HIP1: variants seen among roughly 807,000 people sequenced by gnomAD.
The protein encoded by HIP1 is huntingtin interacting protein 1.
HIP1 carries 65 observed loss-of-function variants against 147.6 expected under a neutral mutation model. The ratio of observed to expected loss-of-function variants is 0.44; its 90% CI spans 0.36 to 0.54. HIP1 has a LOEUF of 0.54. Ranked by LOEUF, HIP1 falls within the 20% of genes least tolerant of loss-of-function variation. The pLI, the probability that HIP1 is intolerant of heterozygous loss-of-function variation, is 0.00. For synonymous variants in HIP1, 479 were observed against 504.0 expected (o/e 0.95, Z 0.67); for missense variants, 1,061 against 1,299.6 (o/e 0.82, Z 2.82).
chr7:75,653,964 C>T (rs1275950268), intron 1 of HIP1, among the ~76,000 whole-genome samples: 1 of 152,200 alleles, frequency 6.6e-6, no homozygotes, highest in Non-Finnish European at 1.5e-5. Context: ...CACAAGGTCT[C>T]TGCAGTCTCG....
chr7:75,692,587 A>AT (rs71082340), intron 1 of HIP1, among the ~76,000 whole-genome samples: 68,485 of 142,904 alleles, frequency 0.48, 16,278 homozygotes, highest in African/African-American at 0.54. Context: ...CGCCTGGCCA[A>AT]TTTTTTTTTT....
At chr7:75,633,430 T>G (rs1313770352) in intron 1 of HIP1, among the ~76,000 whole-genome samples, 1 of 152,070 alleles carries the variant, frequency 6.6e-6, no homozygotes, top group Non-Finnish European at 1.5e-5. Context: ...GCAGCTGGGA[T>G]TACAGGCGTG....
chr7:75,650,455 T>A (rs1554511798), intron 1 of HIP1, among the ~76,000 whole-genome samples: 1 of 121,682 alleles, frequency 8.2e-6, no homozygotes, highest in East Asian at 2.0e-4. Flanking sequence ...CCAGTTATCT[T>A]TTTTTTTTTT....
chr7:75,689,848 CA>C (rs1170579431), intron 1 of HIP1, among the ~76,000 whole-genome samples: 1 of 152,150 alleles, frequency 6.6e-6, no homozygotes. Context: ...TGCTAAATGG[CA>C]TTCAGCACAG....
chr7:75,545,292 G>A, intron 25 of HIP1, 104 bp from the exon 26 acceptor site: 6 of 735,760 alleles, frequency 8.2e-6, no homozygotes, highest in South Asian at 3.1e-5. Flanking sequence ...TAGTAACTCT[G>A]AGACATAAGC....
intron 1 of HIP1, among the ~76,000 whole-genome samples, chr7:75,649,726 C>T (rs1369887207): frequency 1.3e-5 from 2 of 152,142 alleles, no homozygotes; most frequent in African/African-American, 4.8e-5. Flanking sequence ...TCAGGAACCC[C>T]CGGCCTGGTC....
At chr7:75,559,485 C>T (rs1174413266) in intron 14 of HIP1, among the ~76,000 whole-genome samples, 1 of 152,202 alleles carries the variant, frequency 6.6e-6, no homozygotes, top group Non-Finnish European at 1.5e-5. Flanking sequence ...CTGCCCAGGG[C>T]AAGCACTTCA....
intron 1 of HIP1, chr7:75,625,882 GTAACATGGT>G (rs1381639714): frequency 4.6e-5 from 7 of 151,892 alleles, no homozygotes; most frequent in African/African-American, 1.7e-4. Flanking sequence ...GCCAGCCTGG[GTAACATGGT>G]GAATCCCTGT....
intron 22 of HIP1, among the ~76,000 whole-genome samples, chr7:75,553,041 C>T (rs2116794162): frequency 6.6e-6 from 1 of 151,954 alleles, no homozygotes; most frequent in Non-Finnish European, 1.5e-5. Flanking sequence ...TGGGTTCAAG[C>T]AATTCTCTTG....
At chr7:75,683,138 T>C (rs1206377218) in intron 1 of HIP1, among the ~76,000 whole-genome samples, 1 of 152,018 alleles carries the variant, frequency 6.6e-6, no homozygotes, top group Non-Finnish European at 1.5e-5. Flanking sequence ...TGCGCTACCA[T>C]GCCCAGCTAA....
chr7:75,639,590 T>TGTGC (rs1554510183), intron 1 of HIP1, among the ~76,000 whole-genome samples: 2,248 of 150,114 alleles, frequency 0.015, 41 homozygotes, highest in African/African-American at 0.043. Context: ...TGTGTGTGTG[T>TGTGC]GTGCGCCCGC....
rs1040794532 is a variant in HIP1 at position 75,547,797 on chromosome 7, G to A, written c.2423C>T (p.Ser808Phe). The change falls in exon 24 of 31, where the codon TCC becomes TTC. Residue 808 changes from serine to phenylalanine, a missense_variant. This residue lies in a region of HIP1 where 810 missense variants were observed against 946.8 expected (regional missense o/e 0.86). Coordinates refer to ENST00000336926, the MANE Select transcript of HIP1 (RefSeq NM_005338.7). ...TTTGACTCCTGTGTCTCCTGCTCGG[G>A]ATTTGCTGAGCATCTCCTGTGAAAA... Reference protein sequence around the residue: ...TARIEEMLSKSRAGDTGVKLE... With the variant: ...TARIEEMLSKFRAGDTGVKLE... 1.2e-6 allele frequency: 2 copies of A among 1,613,748 alleles called. No homozygotes were observed. Among genetic ancestry groups the A allele is most frequent in the Non-Finnish European group, 1.7e-6 (2 of 1,179,798 alleles).
intron 1 of HIP1, among the ~76,000 whole-genome samples, chr7:75,714,658 G>A (rs1801262299): frequency 6.6e-6 from 1 of 151,196 alleles, no homozygotes; most frequent in Non-Finnish European, 1.5e-5. Context: ...TCACCATGTT[G>A]GCCAGGCTGG....
At chr7:75,616,488 G>A (rs1169299150) in intron 1 of HIP1, among the ~76,000 whole-genome samples, 1 of 152,106 alleles carries the variant, frequency 6.6e-6, no homozygotes, top group South Asian at 2.1e-4. Context: ...GCCCAGGCTG[G>A]TCTTGAGCTC....
Position 75,594,149 on chromosome 7 carries a change from G to A in HIP1, c.185-1635C>T, listed in dbSNP as rs982769980. On this transcript the variant is annotated intron_variant, in intron 2 of 30. Coordinates refer to ENST00000336926, the MANE Select transcript of HIP1 (RefSeq NM_005338.7). ...TACAAAATTAGCCCAGTGTGGTGGCGCATGCCTGTAATCCCAGCTACTCAG... is the reference window on the plus strand; with the variant it reads ...TACAAAATTAGCCCAGTGTGGTGGCACATGCCTGTAATCCCAGCTACTCAG... Among the ~76,000 whole-genome samples, 4 of 151,844 alleles carry A rather than the reference G, an allele frequency of 2.6e-5. No individual in the cohort carries two copies. The East Asian group carries it at 5.8e-4, about 22-fold the overall frequency.
At chr7:75,628,174 CA>C (rs1191053888) in intron 1 of HIP1, among the ~76,000 whole-genome samples, 2 of 152,220 alleles carry the variant, frequency 1.3e-5, no homozygotes, top group African/African-American at 4.8e-5. Flanking sequence ...ATCTATGACT[CA>C]TCCCCTCAGT....
intron 25 of HIP1, among the ~76,000 whole-genome samples, chr7:75,546,176 A>G (rs1794556289): frequency 1.3e-5 from 2 of 151,718 alleles, no homozygotes; most frequent in Non-Finnish European, 2.9e-5. Context: ...GATTTGCCAA[A>G]AAAAGGAGAC....
intron 1 of HIP1, among the ~76,000 whole-genome samples, chr7:75,673,397 G>A (rs552774013): frequency 1.6e-4 from 25 of 152,176 alleles, no homozygotes; most frequent in African/African-American, 5.8e-4. Context: ...GTATCAGCTT[G>A]TCTATTTCTG....
chr7:75,734,854 A>G (rs1261882669), intron 1 of HIP1, among the ~76,000 whole-genome samples: 1 of 152,166 alleles, frequency 6.6e-6, no homozygotes, highest in East Asian at 1.9e-4. Context: ...CTCATGCTAC[A>G]AGATGTGCTT....
Sources: allele counts gnomAD v4.1 joint callset (sites outside exome capture counted in the v4.1 genomes callset), GRCh38; gene constraint gnomAD v4.1.1; regional missense constraint gnomAD v4.1.1; transcripts MANE v1.5; gene names NCBI Gene and HGNC (gene_info 2026-07-23, HGNC 2026-07-21).